CTDP1: variants seen among roughly 807,000 people sequenced by gnomAD.
CTDP1 encodes the protein CTD phosphatase 1, also known as RNA polymerase II subunit A C-terminal domain phosphatase.
In CTDP1, 47 loss-of-function variants were observed where a neutral mutation model predicts 91.8. That is an observed-to-expected ratio of 0.51 (90% confidence interval 0.41 to 0.65). CTDP1 has a LOEUF of 0.65. CTDP1 is among the 30% of genes least tolerant of loss of function. The probability of loss-of-function intolerance (pLI) is 0.00; values close to 1 mark genes in which losing one functional copy is unlikely to be tolerated. For missense variants in CTDP1, 1,272 were observed against 1,373.7 expected (o/e 0.93, Z 1.17); for synonymous variants, 656 against 598.5 (o/e 1.10, Z -1.40).
intron 10 of CTDP1, among the ~76,000 whole-genome samples, chr18:79,726,655 T>C (rs2122717587): frequency 6.6e-6 from 1 of 152,126 alleles, no homozygotes; most frequent in Non-Finnish European, 1.5e-5. Flanking sequence ...CCCTTGTTCC[T>C]GCCATTTGGG....
chr18:79,725,593 T>A (rs2086429494), intron 10 of CTDP1, among the ~76,000 whole-genome samples: 1 of 151,948 alleles, frequency 6.6e-6, no homozygotes, highest in African/African-American at 2.4e-5. Flanking sequence ...GATTATTTCT[T>A]ATGACTTTTG....
rs756359388 is a variant in CTDP1, at chr18:79,697,842, G to T, written c.493-18G>T. ...AAACATACTGACTTTGTCATTTCTT[G>T]TTTCTTTTTAATTGTAGCAAGCTGA... is the stretch of plus-strand genomic sequence containing the variant. On this transcript the variant is annotated intron_variant, in intron 3 of 12. Transcript: ENST00000613122. 6 of 1,614,084 alleles carry T rather than the reference G, an allele frequency of 3.7e-6. No individual in the cohort carries two copies. The highest frequency in any genetic ancestry group is 4.5e-5 in the East Asian group (2 of 44,864).
chr18:79,713,245 T>G lies in CTDP1; in HGVS notation c.1030+107T>G. 1 of 1,163,398 alleles carries G rather than the reference T, an allele frequency of 8.6e-7. No homozygotes were observed. The highest frequency in any genetic ancestry group is 1.2e-6 in the Non-Finnish European group (1 of 802,814). 72.1% of individuals were successfully genotyped at this position (1,163,398 alleles called of 1,614,324 possible). On this transcript the variant is annotated intron_variant, in intron 7 of 12. Coordinates refer to ENST00000613122, the MANE Select transcript of CTDP1 (RefSeq NM_004715.5). The surrounding 1 kb of genome is among the most constrained non-coding windows in gnomAD (Gnocchi z 4.7). ...GACTGCTATAAATTCAAGATACACTTTTTTTATTTGTGTTTCAGTAGAGAT... is the reference window on the plus strand; with the variant it reads ...GACTGCTATAAATTCAAGATACACTGTTTTTATTTGTGTTTCAGTAGAGAT...
chr18:79,722,561 C>T (rs748905337), intron 10 of CTDP1, among the ~76,000 whole-genome samples: 11 of 152,136 alleles, frequency 7.2e-5, no homozygotes, highest in Non-Finnish European at 1.3e-4. Flanking sequence ...CGGGAAGCAG[C>T]GTTGTTGTGG....
In CTDP1 at chr18:79,680,406, C is replaced by T. The variant is rs1023131704; in HGVS notation, c.314+145C>T. The T allele has an allele frequency of 1.3e-5, 8 of 609,954 alleles. No individual in the cohort carries two copies. The African/African-American group carries it at 1.3e-4, about 10-fold the overall frequency. 37.8% of individuals were successfully genotyped at this position (609,954 alleles called of 1,614,324 possible). ...CGGGACGCAGGCACTGCGCTTCTCC[C>T]CTAAAACTGGATAGTCACCACCTGT... On this transcript the variant is annotated intron_variant, in intron 1 of 12. Transcript: ENST00000613122.
chr18:79,743,190 G>A (rs562368914), intron 12 of CTDP1, among the ~76,000 whole-genome samples: 99 of 152,232 alleles, frequency 6.5e-4, no homozygotes, highest in African/African-American at 2.2e-3. Context: ...TAATTACAAC[G>A]ATGCATTGTT....
chr18:79,722,957 T>C (rs2086374979), intron 10 of CTDP1, among the ~76,000 whole-genome samples: 1 of 152,192 alleles, frequency 6.6e-6, no homozygotes, highest in Non-Finnish European at 1.5e-5. Context: ...TTTCTTCTGG[T>C]TTAATCCAAG....
Position 79,713,355 on chromosome 18 carries a change from C to T in CTDP1, c.1030+217C>T, listed in dbSNP as rs2086121180. Among the ~76,000 whole-genome samples, 1 of 152,154 alleles carries T rather than the reference C, an allele frequency of 6.6e-6. No individual in the cohort carries two copies. Among genetic ancestry groups the T allele is most frequent in the Admixed American group, 6.5e-5 (1 of 15,274 alleles). On this transcript the variant is annotated intron_variant, in intron 7 of 12. Coordinates refer to ENST00000613122, the MANE Select transcript of CTDP1 (RefSeq NM_004715.5). The surrounding 1 kb of genome is among the most constrained non-coding windows in gnomAD (Gnocchi z 4.7). ...TTAAAAAAAATGGCCCTCACTTAAG[C>T]GTTTTCCCAGTTGAATAAAAACTAG...
intron 1 of CTDP1, chr18:79,680,748 C>T (rs1304426744): frequency 6.6e-6 from 1 of 152,612 alleles, no homozygotes; most frequent in Non-Finnish European, 1.5e-5. Flanking sequence ...CGGGCGGAAC[C>T]CAGGCCTGCA....
rs1277149043 is a variant in CTDP1 at position 79,714,902 on chromosome 18, A to C, written c.1442A>C (p.Lys481Thr). Residue 481 changes from lysine (K) to threonine (T), a missense_variant, in exon 8 of 13, where the codon AAA becomes ACA. This residue lies in a region of CTDP1 where 881 missense variants were observed against 911.6 expected (regional missense o/e 0.97). Transcript: ENST00000613122. The stretch of plus-strand genomic sequence containing the variant: ...GCCTCTGATGGCGAAAGCGAGGGGA[A>C]AAGAGGCCGGCAGAAGCCGAAGGCT... ...SSASDGESEG[K>T]RGRQKPKAAP... 1.3e-6 allele frequency: 2 copies of C among 1,571,068 alleles called. No individual in the cohort carries two copies. The highest frequency in any genetic ancestry group is 2.7e-5 in the African/African-American group (2 of 74,526).
At chr18:79,742,570 G>A (rs566331072) in intron 12 of CTDP1, among the ~76,000 whole-genome samples, 28 of 152,364 alleles carry the variant, frequency 1.8e-4, no homozygotes, top group South Asian at 6.2e-4. Flanking sequence ...AAGCAAGCAC[G>A]AGGAATGCAG....
chr18:79,743,568 CTGAG>C (rs887045043), intron 12 of CTDP1, among the ~76,000 whole-genome samples: 32 of 146,272 alleles, frequency 2.2e-4, no homozygotes, highest in African/African-American at 6.8e-4. Context: ...AGTGAGGAGT[CTGAG>C]TGTGCACCTG....
chr18:79,710,841 C>T (rs893362787), intron 6 of CTDP1, among the ~76,000 whole-genome samples: 7 of 152,144 alleles, frequency 4.6e-5, no homozygotes, highest in South Asian at 4.2e-4. Flanking sequence ...CCACTGCACC[C>T]GGCCTAGAGC....
intron 10 of CTDP1, among the ~76,000 whole-genome samples, chr18:79,727,311 C>A (rs1414056744): frequency 6.6e-6 from 1 of 152,202 alleles, no homozygotes; most frequent in Non-Finnish European, 1.5e-5. Context: ...GTGTTTCAGC[C>A]AAATGCAGGT....
intron 11 of CTDP1, among the ~76,000 whole-genome samples, chr18:79,735,064 C>T (rs56145731): frequency 1.3e-5 from 2 of 152,090 alleles, no homozygotes; most frequent in South Asian, 2.1e-4. Context: ...GGGGTGGATG[C>T]GTCGGCCTCC....
At chr18:79,729,317 A>G (rs1188452747) in intron 11 of CTDP1, among the ~76,000 whole-genome samples, 1 of 152,222 alleles carries the variant, frequency 6.6e-6, no homozygotes, top group Non-Finnish European at 1.5e-5. Flanking sequence ...GTTGTGGCTT[A>G]GGATTCGTGC....
intron 12 of CTDP1, among the ~76,000 whole-genome samples, chr18:79,739,188 C>A (rs3859320): frequency 3.0e-4 from 46 of 152,118 alleles, no homozygotes; most frequent in Non-Finnish European, 6.2e-4. Flanking sequence ...GTGGTTTAAC[C>A]TGATAGTTTT....
chr18:79,736,307 A>G, intron 11 of CTDP1, 48 bp from the exon 12 acceptor site: 1 of 1,333,956 alleles, frequency 7.5e-7, no homozygotes, highest in African/African-American at 1.5e-5. Context: ...TTGCGGAGGA[A>G]CGGGGCCCGG....
intron 4 of CTDP1, among the ~76,000 whole-genome samples, chr18:79,699,398 C>T (rs1201591225): frequency 9.2e-5 from 14 of 152,016 alleles, no homozygotes; most frequent in African/African-American, 3.4e-4. Context: ...GTAGCTGGGA[C>T]TACAGGTGCC....
Sources: allele counts gnomAD v4.1 joint callset (sites outside exome capture counted in the v4.1 genomes callset), GRCh38; gene constraint gnomAD v4.1.1; regional missense constraint gnomAD v4.1.1; non-coding constraint Gnocchi (gnomAD v3.1); transcripts MANE v1.5; gene names NCBI Gene and HGNC (gene_info 2026-07-23, HGNC 2026-07-21).